Variants in FRMD8 observed in about 807,000 individuals in gnomAD.
FRMD8 encodes FERM domain-containing protein 8.
In FRMD8, 37 loss-of-function variants were observed where a neutral mutation model predicts 54.2. The ratio of observed to expected loss-of-function variants is 0.68; its 90% CI spans 0.53 to 0.90. The LOEUF (loss-of-function observed/expected upper bound fraction) is 0.90, where lower values mean the gene tolerates loss of function less well. Among genes scored for constraint, FRMD8 ranks in the 40% least tolerant of loss-of-function variants. The probability of loss-of-function intolerance (pLI) is 0.00; values close to 1 mark genes in which losing one functional copy is unlikely to be tolerated. For missense variants in FRMD8, 585 were observed against 653.7 expected, an observed-to-expected ratio of 0.89 and a Z score of 1.15; for synonymous variants, 246 against 286.9, an observed-to-expected ratio of 0.86 and a Z score of 1.44.
At chr11:65,395,664 T>C (rs1419546560) in intron 6 of FRMD8, among the ~76,000 whole-genome samples, 1 of 152,180 alleles carries the variant, frequency 6.6e-6, no homozygotes, top group African/African-American at 2.4e-5. Flanking sequence ...CTCTCCTCCT[T>C]CATGTGGGGC....
intron 10 of FRMD8, among the ~76,000 whole-genome samples, chr11:65,409,358 A>G (rs944489169): frequency 3.3e-5 from 5 of 151,968 alleles, no homozygotes; most frequent in African/African-American, 1.2e-4. Flanking sequence ...AAGTGCTAGG[A>G]TTACAGGAAT....
chr11:65,384,426 T>C (rs1259845741), upstream of FRMD8, among the ~76,000 whole-genome samples: 1 of 151,770 alleles, frequency 6.6e-6, no homozygotes. Context: ...GGTTCTAGCC[T>C]CCCCACCACC....
the FRMD8 span, among the ~76,000 whole-genome samples, chr11:65,371,676 G>A: frequency 2.0e-5 from 3 of 152,160 alleles, no homozygotes; most frequent in Middle Eastern, 3.2e-3. Flanking sequence ...GTGCAATGGC[G>A]CGATTTTGGC....
chr11:65,371,970 G>A, the FRMD8 span, among the ~76,000 whole-genome samples: 1 of 151,928 alleles, frequency 6.6e-6, no homozygotes, highest in Admixed American at 6.6e-5. Flanking sequence ...GGAGTGCAGT[G>A]GGGCAATCTC....
At chr11:65,401,612 G>A (rs532625601) in intron 9 of FRMD8, among the ~76,000 whole-genome samples, 6 of 148,336 alleles carry the variant, frequency 4.0e-5, no homozygotes, top group African/African-American at 7.5e-5. Flanking sequence ...TAGCCCCATC[G>A]GCCTCTGCTT....
upstream of FRMD8, among the ~76,000 whole-genome samples, chr11:65,384,221 C>T (rs1432759508): frequency 7.9e-5 from 12 of 152,138 alleles, no homozygotes; most frequent in East Asian, 5.8e-4. Context: ...CTGTCTAACA[C>T]GCCTGCCCCA....
chr11:65,388,305 G>A (rs1020753074), intron 2 of FRMD8, among the ~76,000 whole-genome samples: 3 of 152,166 alleles, frequency 2.0e-5, no homozygotes, highest in African/African-American at 4.8e-5. Context: ...CTCAGTTCTT[G>A]CCTGAGAAGT....
At chr11:65,408,498 T>G (rs2137944184) in intron 10 of FRMD8, among the ~76,000 whole-genome samples, 1 of 151,942 alleles carries the variant, frequency 6.6e-6, no homozygotes, top group Non-Finnish European at 1.5e-5. Context: ...TTGTGGGCAT[T>G]ACAGTTTTCA....
chr11:65,392,097 T>C (rs564814282), intron 3 of FRMD8, among the ~76,000 whole-genome samples: 2 of 152,326 alleles, frequency 1.3e-5, no homozygotes, highest in East Asian at 3.9e-4. Flanking sequence ...GGTGTTTCCC[T>C]ACTGGAGGTG....
At chr11:65,393,400 C>G (rs531608140) in intron 3 of FRMD8, among the ~76,000 whole-genome samples, 173 bp from the exon 4 acceptor site, 1 of 152,182 alleles carries the variant, frequency 6.6e-6, no homozygotes. Context: ...CTCATTTGCT[C>G]TATGGGTGAA....
intron 10 of FRMD8, among the ~76,000 whole-genome samples, chr11:65,408,615 T>C (rs1236231058): frequency 6.6e-6 from 1 of 151,786 alleles, no homozygotes; most frequent in Non-Finnish European, 1.5e-5. Flanking sequence ...TGTAAAAGTG[T>C]GCAGATTTTT....
chr11:65,375,373 G>T, the FRMD8 span: 1 of 152,442 alleles, frequency 6.6e-6, no homozygotes. Flanking sequence ...TGTGGGTAGG[G>T]TGTCTGGGAA....
the FRMD8 span, chr11:65,380,271 A>G: frequency 4.3e-5 from 68 of 1,573,432 alleles, no homozygotes; most frequent in Admixed American, 1.0e-4. Context: ...GGCAGGAGGA[A>G]GGAGAGCAGG....
At chr11:65,407,656 C>A (rs1351226624) in intron 10 of FRMD8, among the ~76,000 whole-genome samples, 3 of 151,528 alleles carry the variant, frequency 2.0e-5, no homozygotes, top group Non-Finnish European at 4.4e-5. Flanking sequence ...TTTGGGAGGC[C>A]AAGGTGGGCA....
chr11:65,379,513 C>A, the FRMD8 span: 1 of 1,613,390 alleles, frequency 6.2e-7, no homozygotes, highest in Non-Finnish European at 8.5e-7. Context: ...GAGTTGACCA[C>A]AGCTATGCTG....
chr11:65,379,277 T>G, the FRMD8 span: 1 of 1,393,342 alleles, frequency 7.2e-7, no homozygotes, highest in South Asian at 1.2e-5. Context: ...AAGAGGCCTA[T>G]GCCTCCACAG....
intron 9 of FRMD8, among the ~76,000 whole-genome samples, chr11:65,403,860 G>A (rs969005118): frequency 2.0e-5 from 3 of 152,214 alleles, no homozygotes; most frequent in Non-Finnish European, 4.4e-5. Flanking sequence ...TTTGTTCTAG[G>A]AAACTTAGTA....
At chr11:65,376,838 GTGTACTGGCGACAGAGCCCTTCA>G in the FRMD8 span, 1 of 1,614,126 alleles carries the variant, frequency 6.2e-7, no homozygotes, top group Non-Finnish European at 8.5e-7. Flanking sequence ...GCCTTCTGGT[GTGTACTGGCGACAGAGCCCTTCA>G]TAGGTGATGA....
the FRMD8 span, among the ~76,000 whole-genome samples, chr11:65,374,410 A>T: frequency 9.2e-5 from 13 of 141,370 alleles, no homozygotes; most frequent in Middle Eastern, 3.6e-3. Flanking sequence ...AGCAAATTGT[A>T]TGATTTACCC....
Sources: allele counts gnomAD v4.1 joint callset (sites outside exome capture counted in the v4.1 genomes callset), GRCh38; gene constraint gnomAD v4.1.1; transcripts MANE v1.5; gene names NCBI Gene and HGNC (gene_info 2026-07-23, HGNC 2026-07-21).